The following COP1 variants were observed in gnomAD, a reference collection of about 807,000 sequenced individuals.
COP1 encodes the protein E3 ubiquitin-protein ligase COP1.
A neutral mutation model predicts 101.3 loss-of-function variants in COP1; 24 were observed. That is an observed-to-expected ratio of 0.24 (90% CI 0.17 to 0.33). COP1 has a LOEUF of 0.33. Among genes scored for constraint, COP1 ranks in the 10% least tolerant of loss-of-function variants. COP1 has a pLI of 1.00. For missense variants in COP1, 663 were observed against 906.2 expected (o/e 0.73, Z 3.45); for synonymous variants, 347 against 341.9 (o/e 1.01, Z -0.17).
rs531920397 is a variant in COP1, at chr1:175,992,775, C to G, written c.1730-3296G>C. On this transcript the variant is annotated intron_variant, in intron 15 of 19. Coordinates refer to ENST00000367669, the MANE Select transcript of COP1 (RefSeq NM_022457.7). ...GAACTGGATGGAGCCCACCACAGCTCAAGGAGGCCTGCCTGCCTCTGTAGG... is the reference window on the plus strand; with the variant it reads ...GAACTGGATGGAGCCCACCACAGCTGAAGGAGGCCTGCCTGCCTCTGTAGG... 2.6e-3 allele frequency among the ~76,000 whole-genome samples: 400 copies of G among 152,322 alleles called. 3 individuals carry two copies. Among genetic ancestry groups the G allele is most frequent in the African/African-American group, 9.2e-3 (381 of 41,564 alleles).
chr1:176,149,714 T>C (rs1306251008), intron 5 of COP1, among the ~76,000 whole-genome samples: 1 of 152,104 alleles, frequency 6.6e-6, no homozygotes, highest in Non-Finnish European at 1.5e-5. Context: ...TAATAAGCCT[T>C]GACATTTTCT....
Position 176,046,237 on chromosome 1 carries a change from C to T in COP1, c.1365G>A (p.Gln455=). Residue 455 remains glutamine (Q), a synonymous_variant, in exon 12 of 20, where the codon CAG becomes CAA. Transcript: ENST00000367669. ...CAGGGTAATGAATATCCACTGCATC[C>T]TGGATGACAGTGTCATATTCATAGA... The part of the protein sequence containing the change: ...IKVYEYDTVI[Q]DAVDIHYPEN... 1.2e-6 allele frequency: 2 copies of T among 1,607,766 alleles called. No individual in the cohort carries two copies. Among genetic ancestry groups the T allele is most frequent in the Non-Finnish European group, 1.7e-6 (2 of 1,177,360 alleles).
At chr1:176,014,885 T>C (rs1179236180) in intron 15 of COP1, among the ~76,000 whole-genome samples, 1 of 152,138 alleles carries the variant, frequency 6.6e-6, no homozygotes, top group Admixed American at 6.5e-5. Flanking sequence ...TTGTGGGGGA[T>C]ACAATAATGA....
chr1:176,006,429 G>A (rs944951655), intron 15 of COP1, among the ~76,000 whole-genome samples: 1 of 152,168 alleles, frequency 6.6e-6, no homozygotes, highest in African/African-American at 2.4e-5. Context: ...AGTTGATGCA[G>A]TTTCTTCCTA....
chr1:176,107,919 T>A (rs1274749667), intron 9 of COP1, among the ~76,000 whole-genome samples: 1 of 152,114 alleles, frequency 6.6e-6, no homozygotes, highest in African/African-American at 2.4e-5. Flanking sequence ...ATAAATAACT[T>A]ACACTCTTCA....
chr1:175,953,749 A>G (rs1194189776), intron 18 of COP1, among the ~76,000 whole-genome samples: 1 of 147,880 alleles, frequency 6.8e-6, no homozygotes, highest in African/African-American at 2.5e-5. Context: ...TCATAATTAA[A>G]TAAGGGTCAA....
At chr1:176,157,650 C>T (rs1051349333) in intron 5 of COP1, among the ~76,000 whole-genome samples, 1 of 152,184 alleles carries the variant, frequency 6.6e-6, no homozygotes, top group Non-Finnish European at 1.5e-5. Context: ...GAGATTCAAA[C>T]TGTTTCCAAG....
At chr1:176,151,260 AAAG>A (rs1692389809) in intron 5 of COP1, among the ~76,000 whole-genome samples, 1 of 151,096 alleles carries the variant, frequency 6.6e-6, no homozygotes, top group African/African-American at 2.4e-5. Context: ...AGAAAGAGAG[AAAG>A]AAAGAAAAAG....
At chr1:175,986,210 A>G (rs929453659) in intron 18 of COP1, among the ~76,000 whole-genome samples, 4 of 152,014 alleles carry the variant, frequency 2.6e-5, no homozygotes, top group African/African-American at 7.2e-5. Flanking sequence ...TAGTAGAGAC[A>G]GGGTTTCACC....
chr1:176,011,451 C>G (rs1002757369), intron 15 of COP1, among the ~76,000 whole-genome samples: 1 of 152,118 alleles, frequency 6.6e-6, no homozygotes, highest in Non-Finnish European at 1.5e-5. Flanking sequence ...ACTCTAAGTA[C>G]TTAAGATGGT....
At chr1:176,119,278 T>C (rs545224165) in intron 8 of COP1, among the ~76,000 whole-genome samples, 11 of 152,336 alleles carry the variant, frequency 7.2e-5, no homozygotes, top group African/African-American at 2.4e-4. Context: ...ATAACACTAA[T>C]AAAATTGTGT....
At chr1:175,958,533 C>T (rs1032765660) in intron 18 of COP1, among the ~76,000 whole-genome samples, 2 of 151,950 alleles carry the variant, frequency 1.3e-5, no homozygotes, top group African/African-American at 4.8e-5. Flanking sequence ...CTATGATAAG[C>T]ATTTCCACCC....
At chr1:176,167,210 C>T (rs1695279173) in intron 3 of COP1, among the ~76,000 whole-genome samples, 1 of 152,164 alleles carries the variant, frequency 6.6e-6, no homozygotes, top group Non-Finnish European at 1.5e-5. Flanking sequence ...AACTATGTCA[C>T]AGCTTACAAA....
intron 18 of COP1, among the ~76,000 whole-genome samples, chr1:175,950,338 T>C (rs1649728164): frequency 6.6e-6 from 1 of 152,156 alleles, no homozygotes; most frequent in Admixed American, 6.5e-5. Flanking sequence ...AAAGGTAGTA[T>C]GATTACAAAA....
intron 9 of COP1, chr1:176,100,294 C>G: frequency 5.0e-6 from 1 of 201,302 alleles, no homozygotes; most frequent in Non-Finnish European, 1.0e-5. Flanking sequence ...GAGGGTGAGG[C>G]AGGAGAATCG....
Position 176,010,880 on chromosome 1 carries a change from A to G in COP1, c.1729+16692T>C, listed in dbSNP as rs1664540022. ...CATAGAAAATCAATGCTAAATGACA[A>G]GGTGATATCAAAAATATCACCATTT... On this transcript the variant is annotated intron_variant, in intron 15 of 19. Transcript: ENST00000367669. 2.0e-5 allele frequency among the ~76,000 whole-genome samples: 3 copies of G among 152,352 alleles called. No individual in the cohort carries two copies. The South Asian group carries it at 6.2e-4, about 32-fold the overall frequency.
chr1:176,126,791 T>C (rs1379546878), intron 8 of COP1, among the ~76,000 whole-genome samples: 2 of 152,194 alleles, frequency 1.3e-5, no homozygotes, highest in African/African-American at 4.8e-5. Flanking sequence ...AATGATGATA[T>C]GATTTTTATC....
At chr1:175,997,814 G>T (rs1660555149) in intron 15 of COP1, among the ~76,000 whole-genome samples, 1 of 152,074 alleles carries the variant, frequency 6.6e-6, no homozygotes, top group South Asian at 2.1e-4. Flanking sequence ...CTGTAAACTA[G>T]TTCAACCATT....
At chr1:176,141,434 C>T (rs1036405856) in intron 6 of COP1, among the ~76,000 whole-genome samples, 2 of 152,040 alleles carry the variant, frequency 1.3e-5, no homozygotes, top group Non-Finnish European at 2.9e-5. Flanking sequence ...CCGGGAGGTG[C>T]AGGTTGCAGT....
Sources: allele counts gnomAD v4.1 joint callset (sites outside exome capture counted in the v4.1 genomes callset), GRCh38; gene constraint gnomAD v4.1.1; transcripts MANE v1.5; gene names NCBI Gene and HGNC (gene_info 2026-07-23, HGNC 2026-07-21).